PLD5: variants seen among roughly 807,000 people sequenced by gnomAD.
The protein encoded by PLD5 is phospholipase D family member 5.
PLD5 carries 36 observed loss-of-function variants against 61.1 expected under a neutral mutation model. That is an observed-to-expected ratio of 0.59 (90% confidence interval 0.45 to 0.78). The LOEUF (loss-of-function observed/expected upper bound fraction) is 0.78, where lower values mean the gene tolerates loss of function less well. PLD5 is among the 30% of genes least tolerant of loss of function. The pLI, the probability that PLD5 is intolerant of heterozygous loss-of-function variation, is 0.00. For missense variants in PLD5, 515 were observed against 644.4 expected (o/e 0.80, Z 2.17); for synonymous variants, 243 against 242.8 (o/e 1.00, Z -0.01).
rs771612442 is a variant in PLD5, at chr1:242,377,049, G to C, written c.190-28807C>G. ...CACTTTGCACTTTCTGTCTGACACG[G>C]TGCCATCAGGGGAGTCATCCTCGTG... On this transcript the variant is annotated intron_variant, in intron 1 of 9. Transcript: ENST00000536534. 7 of 1,611,740 alleles carry C rather than the reference G, an allele frequency of 4.3e-6. No homozygotes were observed. In the Admixed American group the frequency reaches 1.2e-4, roughly 27 times the overall value.
intron 1 of PLD5, among the ~76,000 whole-genome samples, chr1:242,522,781 C>T (rs1669320347): frequency 6.6e-6 from 1 of 152,188 alleles, no homozygotes; most frequent in Admixed American, 6.5e-5. Context: ...AACAACTTGC[C>T]ATCCTAGAAA....
chr1:242,526,155 C>T (rs1301515250), upstream of PLD5, among the ~76,000 whole-genome samples: 1 of 152,158 alleles, frequency 6.6e-6, no homozygotes, highest in Non-Finnish European at 1.5e-5. Flanking sequence ...GTAATCTCAG[C>T]CCCTTGGGAG....
At chr1:242,334,877 A>C (rs191599868) in intron 2 of PLD5, among the ~76,000 whole-genome samples, 1 of 152,284 alleles carries the variant, frequency 6.6e-6, no homozygotes, top group East Asian at 1.9e-4. Context: ...ATCTTCCATT[A>C]GTTCCTCACA....
chr1:242,304,571 G>GT (rs1263945456), intron 2 of PLD5, among the ~76,000 whole-genome samples: 2 of 152,130 alleles, frequency 1.3e-5, no homozygotes, highest in Non-Finnish European at 2.9e-5. Flanking sequence ...AAAGTAGCAC[G>GT]TAAGCCTATG....
chr1:242,314,715 T>A (rs1676902401), intron 2 of PLD5, among the ~76,000 whole-genome samples: 1 of 152,004 alleles, frequency 6.6e-6, no homozygotes, highest in Non-Finnish European at 1.5e-5. Context: ...GAGTATTGGG[T>A]GCCTCTAAAG....
intron 5 of PLD5, among the ~76,000 whole-genome samples, chr1:242,126,204 G>A (rs556247805): frequency 3.3e-5 from 5 of 152,264 alleles, no homozygotes; most frequent in African/African-American, 1.2e-4. Context: ...TCATGGATGG[G>A]TAGAATCAAT....
At chr1:242,447,105 G>A (rs977762789) in intron 1 of PLD5, among the ~76,000 whole-genome samples, 2 of 152,190 alleles carry the variant, frequency 1.3e-5, no homozygotes, top group African/African-American at 4.8e-5. Flanking sequence ...CTCGCTATTT[G>A]TAAAATATTG....
chr1:242,319,774 A>G (rs1658263346), intron 2 of PLD5, among the ~76,000 whole-genome samples: 1 of 152,202 alleles, frequency 6.6e-6, no homozygotes, highest in Non-Finnish European at 1.5e-5. Flanking sequence ...CCCTCTGTTA[A>G]TTTTAGGTTA....
At chr1:242,426,978 G>C (rs1278875838) in intron 1 of PLD5, among the ~76,000 whole-genome samples, 1 of 152,144 alleles carries the variant, frequency 6.6e-6, no homozygotes, top group Non-Finnish European at 1.5e-5. Context: ...GCTGAAGGTA[G>C]TAAGCACCTT....
chr1:242,409,602 C>T (rs1200113096), intron 1 of PLD5, among the ~76,000 whole-genome samples: 3 of 152,042 alleles, frequency 2.0e-5, no homozygotes, highest in Non-Finnish European at 4.4e-5. Context: ...GAAGAAGCTC[C>T]CCCATACAGA....
intron 5 of PLD5, among the ~76,000 whole-genome samples, chr1:242,175,611 A>G (rs1402669040): frequency 6.6e-5 from 10 of 152,162 alleles, no homozygotes; most frequent in Non-Finnish European, 1.5e-5. Context: ...CAATCAGGCA[A>G]GAGAAAGAAA....
chr1:242,288,295 G>A, intron 3 of PLD5, 67 bp downstream of exon 3: 1 of 1,577,858 alleles, frequency 6.3e-7, no homozygotes, highest in Non-Finnish European at 8.6e-7. Flanking sequence ...GAGTGGAGGA[G>A]CAGAATACTA....
At chr1:242,177,424 G>A (rs948856049) in intron 5 of PLD5, among the ~76,000 whole-genome samples, 1 of 152,090 alleles carries the variant, frequency 6.6e-6, no homozygotes, top group Non-Finnish European at 1.5e-5. Flanking sequence ...GGGTGGTAGG[G>A]GGCTATGGGA....
chr1:242,437,902 C>A (rs1666077011), intron 1 of PLD5, among the ~76,000 whole-genome samples: 1 of 152,214 alleles, frequency 6.6e-6, no homozygotes, highest in Non-Finnish European at 1.5e-5. Flanking sequence ...TGCATGCTGT[C>A]ATCACTGTGC....
intron 1 of PLD5, among the ~76,000 whole-genome samples, chr1:242,494,091 T>TCTCCTCCCCTCTCCTCCGCTCTCC (rs1668276643): frequency 4.8e-5 from 3 of 62,314 alleles, no homozygotes; most frequent in African/African-American, 1.4e-4. Context: ...CTGCCCTCCC[T>TCTCCTCCCCTCTCCTCCGCTCTCC]TCCCCTCTCC....
At chr1:242,302,051 G>A (rs1365202814) in intron 2 of PLD5, among the ~76,000 whole-genome samples, 1 of 152,218 alleles carries the variant, frequency 6.6e-6, no homozygotes. Flanking sequence ...AAAGTGCTGG[G>A]ATTACAGGCG....
At chr1:242,109,206 C>T (rs573938881) in intron 7 of PLD5, among the ~76,000 whole-genome samples, 16 of 152,314 alleles carry the variant, frequency 1.1e-4, no homozygotes, top group South Asian at 2.1e-4. Context: ...GGGGCCGGCA[C>T]GGTGGCTCAC....
chr1:242,530,366 A>C, the PLD5 span, among the ~76,000 whole-genome samples: 1 of 152,242 alleles, frequency 6.6e-6, no homozygotes, highest in Non-Finnish European at 1.5e-5. Context: ...GATCCATCAC[A>C]TCAACACAGA....
At chr1:242,241,203 G>C (rs1217109418) in intron 4 of PLD5, among the ~76,000 whole-genome samples, 1 of 152,172 alleles carries the variant, frequency 6.6e-6, no homozygotes, top group African/African-American at 2.4e-5. Context: ...ACTGCCTGTA[G>C]TACTGATATG....
Sources: allele counts gnomAD v4.1 joint callset (sites outside exome capture counted in the v4.1 genomes callset), GRCh38; gene constraint gnomAD v4.1.1; transcripts MANE v1.5; gene names NCBI Gene and HGNC (gene_info 2026-07-23, HGNC 2026-07-21).